TBC1D9: variants seen among roughly 807,000 people sequenced by gnomAD.
The protein encoded by TBC1D9 is TBC1 domain family member 9, also known as TBC1 domain family member 9A.
In TBC1D9, 63 loss-of-function variants were observed where a neutral mutation model predicts 132.0. The ratio of observed to expected loss-of-function variants is 0.48; its 90% confidence interval spans 0.39 to 0.59. The LOEUF is 0.59. Ranked by LOEUF, TBC1D9 falls within the 20% of genes least tolerant of loss-of-function variation. The probability of loss-of-function intolerance (pLI) is 0.00; values close to 1 mark genes in which losing one functional copy is unlikely to be tolerated. For synonymous variants in TBC1D9, 610 were observed against 609.9 expected (o/e 1.00, Z 0.00); for missense variants, 1,261 against 1,592.7 (o/e 0.79, Z 3.54).
intron 1 of TBC1D9, among the ~76,000 whole-genome samples, chr4:140,747,466 GATA>G (rs1560903590): frequency 6.6e-6 from 1 of 152,046 alleles, no homozygotes; most frequent in Admixed American, 6.5e-5. Flanking sequence ...ACATACTGAG[GATA>G]ATAATAGCAT....
intron 2 of TBC1D9, among the ~76,000 whole-genome samples, chr4:140,695,452 G>C (rs143668685): frequency 2.6e-5 from 4 of 152,298 alleles, no homozygotes; most frequent in Non-Finnish European, 4.4e-5. Flanking sequence ...TCAGTGAGCT[G>C]TCCGTCAAAC....
intron 9 of TBC1D9, among the ~76,000 whole-genome samples, chr4:140,662,385 C>T (rs72947332): frequency 1.6e-3 from 251 of 152,300 alleles, no homozygotes; most frequent in African/African-American, 5.7e-3. Flanking sequence ...GAGGAACTCC[C>T]ACAGACAGTC....
intron 10 of TBC1D9, among the ~76,000 whole-genome samples, chr4:140,661,253 T>G (rs1355555073): frequency 6.6e-6 from 1 of 152,210 alleles, no homozygotes; most frequent in Admixed American, 6.5e-5. Flanking sequence ...ATTTTGGAGC[T>G]TCCCAAATTT....
At chr4:140,638,306 T>C (rs1578817471) in intron 15 of TBC1D9, among the ~76,000 whole-genome samples, 1 of 152,286 alleles carries the variant, frequency 6.6e-6, no homozygotes, top group Admixed American at 6.5e-5. Context: ...ATGATACCTA[T>C]GACAAAAATA....
At chr4:140,651,865 A>G (rs1737191933) in intron 13 of TBC1D9, among the ~76,000 whole-genome samples, 1 of 152,238 alleles carries the variant, frequency 6.6e-6, no homozygotes, top group African/African-American at 2.4e-5. Flanking sequence ...ACTGGGCTTG[A>G]AAATATCTAG....
chr4:140,732,504 C>G (rs1352356704), intron 1 of TBC1D9, among the ~76,000 whole-genome samples: 1 of 152,208 alleles, frequency 6.6e-6, no homozygotes, highest in African/African-American at 2.4e-5. Flanking sequence ...CCATTTAGGA[C>G]ATTGTTACTG....
At chr4:140,713,416 T>C (rs973269977) in intron 1 of TBC1D9, among the ~76,000 whole-genome samples, 1 of 152,208 alleles carries the variant, frequency 6.6e-6, no homozygotes, top group Non-Finnish European at 1.5e-5. Context: ...GAGATTGATA[T>C]GGCAGAAATC....
At chr4:140,654,205 G>C (rs553674604) in intron 13 of TBC1D9, among the ~76,000 whole-genome samples, 1 of 152,232 alleles carries the variant, frequency 6.6e-6, no homozygotes, top group Non-Finnish European at 1.5e-5. Context: ...CTGACACCAA[G>C]TCCTGCCCCT....
At chr4:140,666,886 C>T (rs948481624) in intron 9 of TBC1D9, among the ~76,000 whole-genome samples, 1 of 152,136 alleles carries the variant, frequency 6.6e-6, no homozygotes. Context: ...CCCCAAGACC[C>T]CTGGACTGGC....
intron 1 of TBC1D9, among the ~76,000 whole-genome samples, chr4:140,747,017 A>AAAT (rs1738846956): frequency 6.6e-5 from 10 of 151,144 alleles, no homozygotes; most frequent in African/African-American, 2.4e-4. Context: ...ATAAAAATAA[A>AAAT]AAATAAATAA....
intron 2 of TBC1D9, among the ~76,000 whole-genome samples, chr4:140,690,499 C>T (rs1018760744): frequency 6.6e-6 from 1 of 152,022 alleles, no homozygotes; most frequent in Non-Finnish European, 1.5e-5. Context: ...TTGTTCTGTC[C>T]TCTGTCTCCT....
At chr4:140,732,172 T>C (rs936200904) in intron 1 of TBC1D9, among the ~76,000 whole-genome samples, 4 of 152,192 alleles carry the variant, frequency 2.6e-5, no homozygotes, top group Admixed American at 6.5e-5. Context: ...CAAAGGAGTA[T>C]TGATAAACAT....
chr4:140,745,335 G>C (rs1050753079), intron 1 of TBC1D9, among the ~76,000 whole-genome samples: 3 of 152,064 alleles, frequency 2.0e-5, no homozygotes, highest in Non-Finnish European at 4.4e-5. Flanking sequence ...GTTCCATTAG[G>C]AGCTAACATA....
At position 140,671,712 on chromosome 4, in the gene TBC1D9, G is replaced by GTGTGTGTGTGTGTA. The variant is rs766300047; in HGVS notation, c.1060-787_1060-786insTACACACACACACA. On this transcript the variant is annotated intron_variant, in intron 6 of 20. Coordinates refer to ENST00000442267, the MANE Select transcript of TBC1D9 (RefSeq NM_015130.3). ...TGTGTGTGTGTGTGTGTGTGTGTGT[G>GTGTGTGTGTGTGTA]TGTGCCGAAGCCTACCACATTGGGG... 6.6e-3 allele frequency among the ~76,000 whole-genome samples: 982 copies of GTGTGTGTGTGTGTA among 147,752 alleles called. 8 individuals are homozygous for GTGTGTGTGTGTGTA. Among genetic ancestry groups the GTGTGTGTGTGTGTA allele is most frequent in the African/African-American group, 0.023 (915 of 40,078 alleles).
chr4:140,657,308 TC>T, intron 12 of TBC1D9, 82 bp from the exon 13 acceptor site: 1 of 1,523,618 alleles, frequency 6.6e-7, no homozygotes, highest in Non-Finnish European at 8.9e-7. Flanking sequence ...TTCTGCAAGT[TC>T]TACATTTTAA....
rs1015843271 is a variant in TBC1D9, at chr4:140,657,696, T to A, written c.2038A>T (p.Thr680Ser). ...ISTISLSWFL[T>S]LFLSVMPFES... The stretch of plus-strand genomic sequence containing the variant: ...AAAGGCATCACACTGAGAAATAGTG[T>A]GAGGAACCAAGACAGGGAGATGGTG... Residue 680 changes from threonine (T) to serine (S), a missense_variant, in exon 12 of 21, where the codon ACA (threonine) becomes TCA (serine). This residue lies in a region of TBC1D9 where 93 missense variants were observed against 169.2 expected (regional missense o/e 0.55). Coordinates refer to ENST00000442267, the MANE Select transcript of TBC1D9 (RefSeq NM_015130.3). The A allele has an allele frequency of 1.2e-5, 19 of 1,613,842 alleles. No homozygotes were observed. Among genetic ancestry groups the A allele is most frequent in the Non-Finnish European group, 1.6e-5 (19 of 1,179,892 alleles).
intron 1 of TBC1D9, among the ~76,000 whole-genome samples, chr4:140,705,017 T>C (rs1439828250): frequency 6.6e-6 from 1 of 152,232 alleles, no homozygotes; most frequent in Non-Finnish European, 1.5e-5. Context: ...GATATTCACA[T>C]TAGATACATT....
intron 1 of TBC1D9, among the ~76,000 whole-genome samples, chr4:140,712,754 TA>T (rs1738270026): frequency 1.4e-5 from 1 of 73,416 alleles, no homozygotes; most frequent in East Asian, 1.1e-3. Context: ...AAAAAATAGA[TA>T]GATAGATAGA....
At chr4:140,642,326 C>A in intron 13 of TBC1D9, 1 of 780,588 alleles carries the variant, frequency 1.3e-6, no homozygotes, top group Admixed American at 2.2e-5. Context: ...CCTTGAACCC[C>A]ACCCCTATCT....
Sources: allele counts gnomAD v4.1 joint callset (sites outside exome capture counted in the v4.1 genomes callset), GRCh38; gene constraint gnomAD v4.1.1; regional missense constraint gnomAD v4.1.1; transcripts MANE v1.5; gene names NCBI Gene and HGNC (gene_info 2026-07-23, HGNC 2026-07-21).